Variants in MTSS1 observed in about 807,000 individuals in gnomAD.
MTSS1 encodes MTSS I-BAR domain containing 1.
A neutral mutation model predicts 79.0 loss-of-function variants in MTSS1; 18 were observed. The ratio of observed to expected loss-of-function variants is 0.23; its 90% CI spans 0.16 to 0.34. The LOEUF is 0.34. Ranked by LOEUF, MTSS1 falls within the 10% of genes least tolerant of loss-of-function variation. The pLI, the probability that MTSS1 is intolerant of heterozygous loss-of-function variation, is 1.00. For missense variants in MTSS1, 815 were observed against 986.2 expected (o/e 0.83, Z 2.33); for synonymous variants, 341 against 368.6 (o/e 0.93, Z 0.86).
At chr8:124,584,749 A>C (rs7011780) in intron 6 of MTSS1, among the ~76,000 whole-genome samples, 24,471 of 152,176 alleles carry the variant, frequency 0.16, 2,217 homozygotes, top group East Asian at 0.25. Context: ...TTTCTGTAAT[A>C]ATTACTAGAG....
intron 3 of MTSS1, among the ~76,000 whole-genome samples, chr8:124,679,597 C>A (rs1357591977): frequency 6.6e-6 from 1 of 152,224 alleles, no homozygotes; most frequent in Non-Finnish European, 1.5e-5. Flanking sequence ...AAGAAGCCAG[C>A]CCAGTCCTCT....
At position 124,687,116 on chromosome 8, in the gene MTSS1, C is replaced by T. The variant is rs369607829; in HGVS notation, c.208+12410G>A. Among the ~76,000 whole-genome samples the T allele has an allele frequency of 9.3e-4, 141 of 152,306 alleles. 4 individuals carry two copies. In the South Asian group the frequency reaches 0.026, roughly 28 times the overall value. On this transcript the variant is annotated intron_variant, in intron 3 of 13. Coordinates refer to ENST00000518547, the MANE Select transcript of MTSS1 (RefSeq NM_014751.6). ...CTAAATAGCACACTCTCCCGGCACT[C>T]GCTTTATCCAAAACATTTGAAAACA...
intron 1 of MTSS1, among the ~76,000 whole-genome samples, chr8:124,708,001 G>T (rs1830640587): frequency 6.6e-6 from 1 of 152,138 alleles, no homozygotes; most frequent in African/African-American, 2.4e-5. Flanking sequence ...ATGGACTAGG[G>T]GAAATCATTT....
chr8:124,675,067 C>T (rs1825029039), intron 3 of MTSS1, among the ~76,000 whole-genome samples: 1 of 152,178 alleles, frequency 6.6e-6, no homozygotes, highest in South Asian at 2.1e-4. Context: ...AGAAAGCCAG[C>T]TCCAAGAAGT....
rs1462258050 is a variant in MTSS1 at position 124,727,563 on chromosome 8, C to T, written c.72+321G>A. 5.8e-6 allele frequency: 3 copies of T among 518,246 alleles called. No homozygotes were observed. The highest frequency in any genetic ancestry group is 5.7e-5 in the African/African-American group (3 of 52,264). The allele number at this position is 518,246 out of a possible 1,614,324, so 32.1% of individuals were successfully genotyped here. A position where few individuals can be genotyped will look rare whatever the true frequency, so the allele number is the denominator to read the frequency against. ...CCCCGCGGGTCCCAGACACTTACTT[C>T]AGGGACAGACAATGGGAAAACTTGC... On this transcript the variant is annotated intron_variant, in intron 1 of 13. Coordinates refer to ENST00000518547, the MANE Select transcript of MTSS1 (RefSeq NM_014751.6). This position sits in a 1 kb window ranked among gnomAD's most constrained non-coding sequence, Gnocchi z 4.7.
At chr8:124,610,304 G>A (rs1835574910) in intron 3 of MTSS1, among the ~76,000 whole-genome samples, 1 of 152,100 alleles carries the variant, frequency 6.6e-6, no homozygotes, top group South Asian at 2.1e-4. Context: ...GCTGGAACCG[G>A]GCCCATTAAA....
chr8:124,713,350 A>G (rs1172206319), intron 1 of MTSS1, among the ~76,000 whole-genome samples: 11 of 152,176 alleles, frequency 7.2e-5, no homozygotes, highest in Admixed American at 7.2e-4. Flanking sequence ...AAATGTATGT[A>G]TGTGTTCCAT....
intron 3 of MTSS1, among the ~76,000 whole-genome samples, chr8:124,670,959 T>G (rs11988065): frequency 6.6e-6 from 1 of 151,930 alleles, no homozygotes. Flanking sequence ...ATATAAGAAA[T>G]GGGCATCCTT....
In MTSS1 at chr8:124,567,764, T is replaced by C. The variant is rs1302611386; in HGVS notation, c.619-586A>G. ...CGGGCTAGAACGATCCATGGAAAAG[T>C]TCTGTGCTCAGGGGAACAACTCAAA... On this transcript the variant is annotated intron_variant, in intron 7 of 13. Coordinates refer to ENST00000518547, the MANE Select transcript of MTSS1 (RefSeq NM_014751.6). 2.6e-6 allele frequency: 4 copies of C among 1,527,718 alleles called. No individual in the cohort carries two copies. In the East Asian group the frequency reaches 9.8e-5, roughly 37 times the overall value. 94.6% of individuals were successfully genotyped at this position (1,527,718 alleles called of 1,614,324 possible). A position where few individuals can be genotyped will look rare whatever the true frequency, so the allele number is the denominator to read the frequency against.
In MTSS1 at chr8:124,704,141, C is replaced by T. The variant is rs770458176; in HGVS notation, c.123G>A (p.Gln41=). The T allele has an allele frequency of 5.0e-6, 8 of 1,613,994 alleles. No homozygotes were observed. In the South Asian group the frequency reaches 7.7e-5, roughly 16 times the overall value. Residue 41 remains glutamine (Q), a synonymous_variant, in exon 2 of 14, where the codon CAG becomes CAA. Coordinates refer to ENST00000518547, the MANE Select transcript of MTSS1 (RefSeq NM_014751.6). ...GTGCTTCTACTTACCGAAGCTGGGA[C>T]TGCAGCTTTCCTGCTTTGTTTATGA... ...EDFINKAGKL[Q]SQLRTTVVAA...
At chr8:124,646,062 G>A (rs541864759) in intron 3 of MTSS1, among the ~76,000 whole-genome samples, 15 of 152,236 alleles carry the variant, frequency 9.9e-5, no homozygotes, top group African/African-American at 3.6e-4. Context: ...GACAGTGAGG[G>A]TTTTAAAAAA....
intron 11 of MTSS1, chr8:124,556,651 A>T: frequency 1.9e-6 from 1 of 513,068 alleles, no homozygotes; most frequent in Non-Finnish European, 3.4e-6. Context: ...ACCCTCACCC[A>T]CCAGGTGGCA....
At chr8:124,594,444 C>T (rs1465602702) in intron 3 of MTSS1, among the ~76,000 whole-genome samples, 3 of 152,124 alleles carry the variant, frequency 2.0e-5, no homozygotes, top group Non-Finnish European at 4.4e-5. Flanking sequence ...GCTTGAGAAT[C>T]GCTTGAACCC....
intron 1 of MTSS1, among the ~76,000 whole-genome samples, chr8:124,711,617 G>A (rs937754369): frequency 3.3e-5 from 5 of 152,130 alleles, no homozygotes; most frequent in African/African-American, 1.2e-4. Context: ...GAGGACAAGG[G>A]TGCCCTGCAC....
intron 6 of MTSS1, chr8:124,579,601 G>A (rs1829651253): frequency 6.6e-6 from 1 of 152,184 alleles, no homozygotes; most frequent in African/African-American, 2.4e-5. Flanking sequence ...TGTGCAAGCT[G>A]TTTCATAATC....
At chr8:124,561,110 A>C (rs1447978650) in intron 10 of MTSS1, among the ~76,000 whole-genome samples, 1 of 152,212 alleles carries the variant, frequency 6.6e-6, no homozygotes, top group Non-Finnish European at 1.5e-5. Flanking sequence ...TTCTCTATTA[A>C]GTTTTGTAGC....
chr8:124,701,411 T>C (rs78394043), intron 2 of MTSS1, among the ~76,000 whole-genome samples: 1 of 152,322 alleles, frequency 6.6e-6, no homozygotes, highest in African/African-American at 2.4e-5. Context: ...TATTTTCCAG[T>C]AGGGCAAGAA....
chr8:124,669,640 C>T (rs2134599283), intron 3 of MTSS1, among the ~76,000 whole-genome samples: 1 of 152,342 alleles, frequency 6.6e-6, no homozygotes, highest in African/African-American at 2.4e-5. Context: ...ATATTTCTGG[C>T]TGCTTTCTAC....
intron 6 of MTSS1, among the ~76,000 whole-genome samples, chr8:124,584,303 A>C (rs1830496983): frequency 6.6e-6 from 1 of 152,246 alleles, no homozygotes; most frequent in South Asian, 2.1e-4. Flanking sequence ...ATCCCATCTT[A>C]TCAGTTGTGA....
Sources: allele counts gnomAD v4.1 joint callset (sites outside exome capture counted in the v4.1 genomes callset), GRCh38; gene constraint gnomAD v4.1.1; non-coding constraint Gnocchi (gnomAD v3.1); transcripts MANE v1.5; gene names NCBI Gene and HGNC (gene_info 2026-07-23, HGNC 2026-07-21).